The following ADAP1 variants were observed in gnomAD, a reference collection of about 807,000 sequenced individuals.
The protein encoded by ADAP1 is arf-GAP with dual PH domain-containing protein 1.
In ADAP1, 31 loss-of-function variants were observed where a neutral mutation model predicts 54.9. That is an observed-to-expected ratio of 0.56 (90% CI 0.42 to 0.76). ADAP1 has a LOEUF of 0.76. Among genes scored for constraint, ADAP1 ranks in the 30% least tolerant of loss-of-function variants. The pLI, the probability that ADAP1 is intolerant of heterozygous loss-of-function variation, is 0.00. For synonymous variants in ADAP1, 313 were observed against 202.6 expected, an observed-to-expected ratio of 1.55 and a Z score of -4.63; for missense variants, 535 against 512.4, an observed-to-expected ratio of 1.04 and a Z score of -0.42.
chr7:937,173 GC>G (rs1488667676), intron 1 of ADAP1, among the ~76,000 whole-genome samples: 2 of 109,360 alleles, frequency 1.8e-5, no homozygotes, highest in Admixed American at 8.7e-5. Context: ...TGGGGGTCAC[GC>G]CCGACCTCTG....
chr7:925,198 G>T (rs115775693), intron 3 of ADAP1, among the ~76,000 whole-genome samples: 1 of 151,870 alleles, frequency 6.6e-6, no homozygotes, highest in Non-Finnish European at 1.5e-5. Flanking sequence ...AAACTGAGTC[G>T]CTCGTGGCCT....
chr7:901,227 C>T (rs1844796160), intron 6 of ADAP1: 2 of 358,342 alleles, frequency 5.6e-6, no homozygotes, highest in Non-Finnish European at 1.1e-5. Context: ...GTCGGGTGCC[C>T]TCTGGGTCTA....
intron 1 of ADAP1, among the ~76,000 whole-genome samples, chr7:948,960 G>C (rs898062246): frequency 6.6e-6 from 1 of 152,142 alleles, no homozygotes; most frequent in African/African-American, 2.4e-5. Context: ...CTCCCAAAGT[G>C]CTGGGATTAC....
chr7:932,541 G>A lies in ADAP1; in HGVS notation c.213+2834C>T, dbSNP rs765688026. ...AGAGCAACTTGGAGACGGGACACCC[G>A]TCCCATCATCTTTCTGACATTGGTC... On this transcript the variant is annotated intron_variant, in intron 2 of 10. Transcript: ENST00000265846. Among the ~76,000 whole-genome samples, 12 of 152,262 alleles carry A rather than the reference G, an allele frequency of 7.9e-5. 1 individual carries two copies. The highest frequency in any genetic ancestry group is 5.8e-4 in the East Asian group (3 of 5,168).
In ADAP1 at chr7:947,972, AC is replaced by A. The variant is rs566711422; in HGVS notation, c.82+6423del. On this transcript the variant is annotated intron_variant, in intron 1 of 10. Coordinates refer to ENST00000265846, the MANE Select transcript of ADAP1 (RefSeq NM_006869.4). ...ACCTGCGAGGTGCACGGCTGCCCCC[AC>A]CCCCGACACCACCAGCCCCTTTACC... 1.7e-3 allele frequency among the ~76,000 whole-genome samples: 236 copies of A among 140,856 alleles called. 1 individual carries two copies. The highest frequency in any genetic ancestry group is 6.3e-3 in the African/African-American group (234 of 37,270). The allele number at this position is 140,856 out of a possible 152,430, so 92.4% of individuals were successfully genotyped here. A position where few individuals can be genotyped will look rare whatever the true frequency, so the allele number is the denominator to read the frequency against.
At position 903,038 on chromosome 7, in the gene ADAP1, G is replaced by A. The variant is rs1844899666; in HGVS notation, c.648+1088C>T. On this transcript the variant is annotated intron_variant, in intron 6 of 10. Coordinates refer to ENST00000265846, the MANE Select transcript of ADAP1 (RefSeq NM_006869.4). ...AAAGACGTAGGACCCGGGCAGCAGG[G>A]CTCCACCCAGGAACCAGATGAGGCT... Among the ~76,000 whole-genome samples the A allele has an allele frequency of 2.6e-5, 4 of 152,298 alleles. No individual in the cohort carries two copies. The South Asian group carries it at 6.2e-4, about 24-fold the overall frequency.
intron 3 of ADAP1, among the ~76,000 whole-genome samples, chr7:924,052 C>T (rs1583166462): frequency 2.0e-5 from 3 of 146,970 alleles, no homozygotes; most frequent in South Asian, 4.5e-4. Context: ...CGCTGCACCC[C>T]CCGCCCTCCG....
At chr7:930,101 CAAAAAAAAAAAA>C (rs1170304660) in intron 2 of ADAP1, among the ~76,000 whole-genome samples, 1 of 33,278 alleles carries the variant, frequency 3.0e-5, no homozygotes, top group Non-Finnish European at 5.1e-5. Flanking sequence ...AAGACTGTCT[CAAAAAAAAAAAA>C]AAAAAAAAAA....
In ADAP1 at chr7:912,135, T is replaced by C. The variant is rs576201919; in HGVS notation, c.389-6963A>G. Among the ~76,000 whole-genome samples the C allele has an allele frequency of 2.4e-3, 372 of 152,180 alleles. 2 individuals carry two copies. The highest frequency in any genetic ancestry group is 3.8e-3 in the Non-Finnish European group (258 of 67,966). ...TGCCCTGTGACATTTACGGCAACGG[T>C]CGGCCCATCCCTGCCTGGTACCACC... On this transcript the variant is annotated intron_variant, in intron 4 of 10. Coordinates refer to ENST00000265846, the MANE Select transcript of ADAP1 (RefSeq NM_006869.4).
rs1015237126 is a variant in ADAP1, at chr7:920,484, G to A, written c.306-434C>T. ...ACCGGATCTGGGAAGTGGCCGCGGC[G>A]CCGCCCTCCACCCACCGTGCTGCCA... On this transcript the variant is annotated intron_variant, in intron 3 of 10. Transcript: ENST00000265846. This position sits in a 1 kb window ranked among gnomAD's most constrained non-coding sequence, Gnocchi z 4.5. Among the ~76,000 whole-genome samples the A allele has an allele frequency of 2.0e-5, 3 of 150,286 alleles. No homozygotes were observed. The highest frequency in any genetic ancestry group is 3.0e-5 in the Non-Finnish European group (2 of 67,614).
At chr7:905,026 A>C in intron 5 of ADAP1, 34 bp downstream of exon 5, 1 of 1,582,802 alleles carries the variant, frequency 6.3e-7, no homozygotes, top group Non-Finnish European at 8.6e-7. Flanking sequence ...CCGCCCTGGG[A>C]CAGGCCCCCA....
At chr7:905,595 A>AGAAAGG (rs1562912380) in intron 4 of ADAP1, 17 of 27,938 alleles carry the variant, frequency 6.1e-4, no homozygotes, top group Admixed American at 2.0e-3. Flanking sequence ...AGGAGAAAGG[A>AGAAAGG]GAAAGGAGAA....
intron 4 of ADAP1, 195 bp from the exon 5 acceptor site, chr7:905,367 AAAG>A: frequency 8.2e-6 from 1 of 122,360 alleles, no homozygotes; most frequent in South Asian, 9.2e-5. Flanking sequence ...AGGGAAAGGG[AAAG>A]GGAAAGGAGA....
chr7:899,702 CCCCAGCCCTCCCTGGGCCCCAGATGGGGG>C (rs1368103959), intron 8 of ADAP1, among the ~76,000 whole-genome samples: 3 of 152,124 alleles, frequency 2.0e-5, no homozygotes, highest in Admixed American at 1.3e-4. Context: ...CCTCCAGGTC[CCCCAGCCCTCCCTGGGCCCCAGATGGGGG>C]CCCAGGCCTC....
chr7:935,939 A>C (rs1846747219), intron 1 of ADAP1, among the ~76,000 whole-genome samples: 1 of 152,148 alleles, frequency 6.6e-6, no homozygotes, highest in Non-Finnish European at 1.5e-5. Flanking sequence ...GGAAATTCAG[A>C]TAGGATCTGA....
intron 1 of ADAP1, among the ~76,000 whole-genome samples, chr7:947,713 C>A (rs1176002832): frequency 6.6e-6 from 1 of 152,174 alleles, no homozygotes; most frequent in Non-Finnish European, 1.5e-5. Context: ...TCGGTCACTG[C>A]AGCAGCGTCC....
rs1846389069 is a variant in ADAP1 at position 926,360 on chromosome 7, G to GCCCCAGCGCCCCCCA, written c.305+192_305+193insTGGGGGGCGCTGGGG. On this transcript the variant is annotated intron_variant, in intron 3 of 10. Coordinates refer to ENST00000265846, the MANE Select transcript of ADAP1 (RefSeq NM_006869.4). This position sits in a 1 kb window ranked among gnomAD's most constrained non-coding sequence, Gnocchi z 4.6. ...TCCCAGCCCCACCCCAGCGCCCCCC[G>GCCCCAGCGCCCCCCA]CCCCAGAACCAAAGCCCGGTGGTGG... is the stretch of plus-strand genomic sequence containing the variant. Among the ~76,000 whole-genome samples the GCCCCAGCGCCCCCCA allele has an allele frequency of 2.0e-5, 3 of 150,344 alleles. No individual in the cohort carries two copies. The highest frequency in any genetic ancestry group is 3.9e-4 in the East Asian group (2 of 5,066).
intron 6 of ADAP1, among the ~76,000 whole-genome samples, chr7:902,075 G>A (rs1052486714): frequency 1.3e-5 from 2 of 152,070 alleles, no homozygotes; most frequent in Non-Finnish European, 2.9e-5. Context: ...GGGGCCAAGC[G>A]TCTGCCCTGG....
intron 1 of ADAP1, among the ~76,000 whole-genome samples, chr7:939,509 C>T (rs957940643): frequency 4.6e-5 from 7 of 151,972 alleles, no homozygotes; most frequent in East Asian, 4.0e-4. Flanking sequence ...TGAGCCACCA[C>T]GCCCAGCCTA....
Sources: allele counts gnomAD v4.1 joint callset (sites outside exome capture counted in the v4.1 genomes callset), GRCh38; gene constraint gnomAD v4.1.1; non-coding constraint Gnocchi (gnomAD v3.1); transcripts MANE v1.5; gene names NCBI Gene and HGNC (gene_info 2026-07-23, HGNC 2026-07-21).